PLEKHA7: variants seen among roughly 807,000 people sequenced by gnomAD.
The protein encoded by PLEKHA7 is pleckstrin homology domain containing A7.
In PLEKHA7, 104 loss-of-function variants were observed where a neutral mutation model predicts 170.0. The observed-to-expected ratio is 0.61, with a 90% CI of 0.52 to 0.72. PLEKHA7 has a LOEUF of 0.72. Among genes scored for constraint, PLEKHA7 ranks in the 30% least tolerant of loss-of-function variants. PLEKHA7 has a pLI of 0.00. For synonymous variants in PLEKHA7, 648 were observed against 660.8 expected (o/e 0.98, Z 0.30); for missense variants, 1,615 against 1,671.7 (o/e 0.97, Z 0.59).
At chr11:16,808,874 G>C (rs1177501409) in intron 13 of PLEKHA7, among the ~76,000 whole-genome samples, 1 of 152,232 alleles carries the variant, frequency 6.6e-6, no homozygotes, top group East Asian at 1.9e-4. Context: ...CAAAGCGTGT[G>C]ATGCATGGAC....
chr11:16,947,507 C>T (rs1267908267), intron 3 of PLEKHA7, among the ~76,000 whole-genome samples: 1 of 151,440 alleles, frequency 6.6e-6, no homozygotes, highest in Non-Finnish European at 1.5e-5. Flanking sequence ...AGGAGAATCA[C>T]TTGAACCAGG....
intron 8 of PLEKHA7, among the ~76,000 whole-genome samples, chr11:16,845,313 T>C (rs1852304170): frequency 6.6e-6 from 1 of 152,224 alleles, no homozygotes; most frequent in Non-Finnish European, 1.5e-5. Flanking sequence ...TTTGTCTTAA[T>C]GAAAGAGCAA....
chr11:16,795,851 C>CGTTT lies in PLEKHA7; in HGVS notation c.2410-834_2410-833insAAAC, dbSNP rs1848190328. 6.4e-5 allele frequency among the ~76,000 whole-genome samples: 6 copies of CGTTT among 93,076 alleles called. No individual in the cohort carries two copies. In the South Asian group the frequency reaches 2.7e-3, roughly 42 times the overall value. The allele number at this position is 93,076 out of a possible 152,430, so 61.1% of individuals were successfully genotyped here. A position where few individuals can be genotyped will look rare whatever the true frequency, so the allele number is the denominator to read the frequency against. ...CTACGTATTTTACCACAGTTTTTTC[C>CGTTT]TTTTTTTTTTTTTTTTTTTTTGAGA... On this transcript the variant is annotated intron_variant, in intron 17 of 26. Coordinates refer to ENST00000531066, the MANE Select transcript of PLEKHA7 (RefSeq NM_001329630.2).
intron 3 of PLEKHA7, among the ~76,000 whole-genome samples, chr11:16,967,891 C>T (rs540104881): frequency 1.3e-5 from 2 of 152,250 alleles, no homozygotes; most frequent in South Asian, 4.1e-4. Flanking sequence ...GACTAATTGC[C>T]CAGAAAGAGG....
intron 10 of PLEKHA7, among the ~76,000 whole-genome samples, chr11:16,818,928 T>C (rs1246353713): frequency 1.3e-5 from 2 of 151,610 alleles, no homozygotes; most frequent in Non-Finnish European, 2.9e-5. Flanking sequence ...CTCAGCCTCC[T>C]GAGTAGCTGG....
intron 3 of PLEKHA7, among the ~76,000 whole-genome samples, chr11:16,961,340 C>T (rs1331881838): frequency 6.6e-6 from 1 of 152,240 alleles, no homozygotes; most frequent in Non-Finnish European, 1.5e-5. Flanking sequence ...GGTCCTAACG[C>T]CAGGCTATGC....
chr11:16,931,921 C>T (rs1253885937), intron 3 of PLEKHA7, among the ~76,000 whole-genome samples: 2 of 152,158 alleles, frequency 1.3e-5, no homozygotes, highest in African/African-American at 2.4e-5. Flanking sequence ...GCATTGGCCA[C>T]ACAGGAAGGT....
Position 16,854,951 on chromosome 11 carries a change from C to T in PLEKHA7, c.460G>A (p.Asp154Asn), listed in dbSNP as rs761718358. The T allele has an allele frequency of 6.2e-7, 1 of 1,614,154 alleles. No homozygotes were observed. The highest frequency in any genetic ancestry group is 8.5e-7 in the Non-Finnish European group (1 of 1,180,022). Residue 154 changes from aspartate (D) to asparagine (N), a missense_variant, in exon 6 of 27, where the codon GAC becomes AAC. Physicochemically the swap from Asp to Asn is conservative, Grantham distance 23 (BLOSUM62 1). Transcript: ENST00000531066. ...SSKVHSFGKRDQAIRRNPNVP... is the reference protein window; with the variant it reads ...SSKVHSFGKRNQAIRRNPNVP... ...TTGGGGTTCCTCCGAATGGCCTGGT[C>T]TCTCTTCCCAAAGCTGTGGACTTTA... is the stretch of plus-strand genomic sequence containing the variant.
intron 9 of PLEKHA7, among the ~76,000 whole-genome samples, chr11:16,833,981 T>TTATATATATATATA (rs10525520): frequency 0.078 from 11,805 of 150,688 alleles, 579 homozygotes; most frequent in Admixed American, 0.12. Flanking sequence ...CTCAGGAGTT[T>TTATATATATATATA]TATATATAGA....
Position 16,871,146 on chromosome 11 carries a change from C to A in PLEKHA7, c.258G>T (p.Val86=), listed in dbSNP as rs538803408. ...TATTTTCTGGAGAAAACTGTCCCGTCACAGGATGCCTGAATGCTGTGGTCT... is the reference window on the plus strand; with the variant it reads ...TATTTTCTGGAGAAAACTGTCCCGTAACAGGATGCCTGAATGCTGTGGTCT... ...NQQTTAFRHP[V]TGQFSPENSE... The change falls in exon 4 of 27, where the codon GTG becomes GTT. Residue 86 remains valine (V), a synonymous_variant. Transcript: ENST00000531066. 1 of 1,610,166 alleles carries A rather than the reference C, an allele frequency of 6.2e-7. No homozygotes were observed. Among genetic ancestry groups the A allele is most frequent in the South Asian group, 1.1e-5 (1 of 90,988 alleles).
At chr11:16,921,077 C>T (rs1859050406) in intron 3 of PLEKHA7, among the ~76,000 whole-genome samples, 1 of 152,206 alleles carries the variant, frequency 6.6e-6, no homozygotes, top group Non-Finnish European at 1.5e-5. Flanking sequence ...GCTGGGAGCC[C>T]TTATTTTCGC....
At chr11:16,855,523 A>G (rs1480513590) in intron 5 of PLEKHA7, 1 of 405,156 alleles carries the variant, frequency 2.5e-6, no homozygotes, top group Non-Finnish European at 4.4e-6. Context: ...ACACAGCTAC[A>G]TGTAAATAGA....
In PLEKHA7 at chr11:16,789,011, A is replaced by G; in HGVS notation, c.3357+85T>C. On this transcript the variant is annotated intron_variant, in intron 23 of 26. Transcript: ENST00000531066. This position sits in a 1 kb window ranked among gnomAD's most constrained non-coding sequence, Gnocchi z 4.6. ...GTCAATGGACAGCTCTCTCACTGGG[A>G]GGTGTGATGTGCTTGTGTTTGGGGG... is the stretch of plus-strand genomic sequence containing the variant. The G allele has an allele frequency of 6.9e-7, 1 of 1,459,318 alleles. No individual in the cohort carries two copies. Among genetic ancestry groups the G allele is most frequent in the Non-Finnish European group, 9.2e-7 (1 of 1,081,248 alleles). 90.4% of individuals were successfully genotyped at this position (1,459,318 alleles called of 1,614,324 possible). A position where few individuals can be genotyped will look rare whatever the true frequency, so the allele number is the denominator to read the frequency against.
At chr11:16,920,131 C>T (rs1858980873) in intron 3 of PLEKHA7, among the ~76,000 whole-genome samples, 1 of 152,188 alleles carries the variant, frequency 6.6e-6, no homozygotes, top group South Asian at 2.1e-4. Flanking sequence ...GTATAAAGCA[C>T]ATGGAAAGGG....
rs200470818 is a variant in PLEKHA7, at chr11:16,826,571, G to A, written c.892C>T (p.Arg298Trp). 9.3e-5 allele frequency: 150 copies of A among 1,613,116 alleles called. No homozygotes were observed. Among genetic ancestry groups the A allele is most frequent in the Non-Finnish European group, 1.0e-4 (118 of 1,179,782 alleles). The part of the protein sequence containing the change: ...SLKRDMEKVE[R>W]QAVPQANHTE... Reference sequence around the variant, plus strand: ...TGGTTGGCCTGGGGGACAGCCTGCCGCTCCACCTTCTCCATATCCCTGCAA... The same window carrying A: ...TGGTTGGCCTGGGGGACAGCCTGCCACTCCACCTTCTCCATATCCCTGCAA... Residue 298 changes from arginine to tryptophan, a missense_variant, in exon 10 of 27, where the codon CGG (arginine) becomes TGG (tryptophan). Coordinates refer to ENST00000531066, the MANE Select transcript of PLEKHA7 (RefSeq NM_001329630.2).
chr11:16,783,952 T>A, intron 24 of PLEKHA7, 119 bp from the exon 25 acceptor site: 1 of 1,075,102 alleles, frequency 9.3e-7, no homozygotes, highest in Non-Finnish European at 1.2e-6. Context: ...AGAGACTAAG[T>A]AACTTGCTAA....
intron 3 of PLEKHA7, among the ~76,000 whole-genome samples, chr11:16,914,816 A>G (rs1194033819): frequency 6.6e-6 from 1 of 152,202 alleles, no homozygotes; most frequent in Admixed American, 6.5e-5. Flanking sequence ...AACTCCAGCC[A>G]ACTTGCCTCA....
chr11:16,858,220 G>A (rs1853631842), intron 4 of PLEKHA7, among the ~76,000 whole-genome samples: 1 of 144,702 alleles, frequency 6.9e-6, no homozygotes, highest in Non-Finnish European at 1.5e-5. Context: ...GAAGGAGGTG[G>A]GGAGAAAAAG....
In PLEKHA7 at chr11:16,871,310, T is replaced by C. The variant is rs534783584; in HGVS notation, c.222-128A>G. The stretch of plus-strand genomic sequence containing the variant: ...TTCACAGGGGGAGAAATGTGGGCCT[T>C]TCCTCTGAGACACACTTAGTCTGTC... On this transcript the variant is annotated intron_variant, in intron 3 of 26. Transcript: ENST00000531066. 90 of 672,564 alleles carry C rather than the reference T, an allele frequency of 1.3e-4. No individual in the cohort carries two copies. In the African/African-American group the frequency reaches 1.4e-3, roughly 10 times the overall value. The allele number at this position is 672,564 out of a possible 1,614,324, so 41.7% of individuals were successfully genotyped here.
Sources: allele counts gnomAD v4.1 joint callset (sites outside exome capture counted in the v4.1 genomes callset), GRCh38; gene constraint gnomAD v4.1.1; non-coding constraint Gnocchi (gnomAD v3.1); transcripts MANE v1.5; gene names NCBI Gene and HGNC (gene_info 2026-07-23, HGNC 2026-07-21).